UBE4B: variants seen among roughly 807,000 people sequenced by gnomAD.
The protein encoded by UBE4B is ubiquitin conjugation factor E4 B.
Under a neutral mutation model 148.1 loss-of-function variants are expected in UBE4B, and 27 were observed. The ratio of observed to expected loss-of-function variants is 0.18; its 90% confidence interval spans 0.13 to 0.25. The LOEUF (loss-of-function observed/expected upper bound fraction) is 0.25, where lower values mean the gene tolerates loss of function less well. Ranked by LOEUF, UBE4B falls within the 10% of genes least tolerant of loss-of-function variation. The probability of loss-of-function intolerance (pLI) is 1.00; values close to 1 mark genes in which losing one functional copy is unlikely to be tolerated. For synonymous variants in UBE4B, 596 were observed against 619.3 expected, an observed-to-expected ratio of 0.96 and a Z score of 0.56; for missense variants, 1,170 against 1,662.4, an observed-to-expected ratio of 0.70 and a Z score of 5.15.
intron 17 of UBE4B, among the ~76,000 whole-genome samples, chr1:10,139,224 C>A (rs546919239): frequency 6.6e-6 from 1 of 151,722 alleles, no homozygotes; most frequent in Non-Finnish European, 1.5e-5. Flanking sequence ...AGTGAAAACC[C>A]GTCTCTACTA....
chr1:10,150,837 G>A (rs991614032), intron 20 of UBE4B, among the ~76,000 whole-genome samples: 4 of 146,852 alleles, frequency 2.7e-5, no homozygotes, highest in Non-Finnish European at 6.0e-5. Flanking sequence ...TCCAGCCTGG[G>A]CAACACAGCG....
At chr1:10,149,352 T>C (rs960000224) in intron 20 of UBE4B, 70 bp downstream of exon 20, 3 of 1,270,614 alleles carry the variant, frequency 2.4e-6, no homozygotes, top group African/African-American at 3.1e-5. Context: ...TTCTGAGCTA[T>C]GTTGCAAACC....
chr1:10,043,749 T>C (rs1318646072), intron 1 of UBE4B, among the ~76,000 whole-genome samples: 1 of 152,194 alleles, frequency 6.6e-6, no homozygotes, highest in Non-Finnish European at 1.5e-5. Context: ...TATAAATAGA[T>C]GGTGTAATCA....
intron 5 of UBE4B, among the ~76,000 whole-genome samples, chr1:10,103,950 C>A (rs1372625083): frequency 6.6e-6 from 1 of 151,326 alleles, no homozygotes; most frequent in Non-Finnish European, 1.5e-5. Flanking sequence ...TTAGTAGAGA[C>A]AGGATTTCAC....
intron 1 of UBE4B, among the ~76,000 whole-genome samples, chr1:10,071,462 C>A (rs183069717): frequency 6.6e-6 from 1 of 152,044 alleles, no homozygotes; most frequent in African/African-American, 2.4e-5. Context: ...GTGGTTTGCA[C>A]CTGTAGTGTT....
chr1:10,143,158 C>T (rs947327849), intron 17 of UBE4B, among the ~76,000 whole-genome samples: 2 of 152,254 alleles, frequency 1.3e-5, no homozygotes, highest in African/African-American at 2.4e-5. Context: ...AATCCCATCA[C>T]TTTGGGAGGC....
chr1:10,081,354 C>G (rs1443033159), intron 2 of UBE4B, among the ~76,000 whole-genome samples: 1 of 152,016 alleles, frequency 6.6e-6, no homozygotes, highest in Non-Finnish European at 1.5e-5. Flanking sequence ...GCCACCATGC[C>G]TGGCAAAACA....
At position 10,106,693 on chromosome 1, in the gene UBE4B, G is replaced by A; in HGVS notation, c.1196+110G>A. 1.9e-5 allele frequency: 26 copies of A among 1,390,500 alleles called. No homozygotes were observed. The highest frequency in any genetic ancestry group is 2.4e-5 in the Non-Finnish European group (26 of 1,062,828). The allele number at this position is 1,390,500 out of a possible 1,614,324, so 86.1% of individuals were successfully genotyped here. On this transcript the variant is annotated intron_variant, in intron 7 of 27. Coordinates refer to ENST00000343090, the MANE Select transcript of UBE4B (RefSeq NM_001105562.3). This position sits in a 1 kb window ranked among gnomAD's most constrained non-coding sequence, Gnocchi z 4.2. ...ACTGACTCTGTTAAATTGTTGTTTTGGGTTATTAACCTGTGTGGCTAACTA... is the reference window on the plus strand; with the variant it reads ...ACTGACTCTGTTAAATTGTTGTTTTAGGTTATTAACCTGTGTGGCTAACTA...
intron 25 of UBE4B, among the ~76,000 whole-genome samples, chr1:10,176,849 G>A (rs1434111568): frequency 2.7e-5 from 4 of 146,822 alleles, no homozygotes; most frequent in African/African-American, 5.1e-5. Flanking sequence ...GCAGTGGTGC[G>A]ATCTCAGCCT....
At chr1:10,149,849 G>C (rs1327603984) in intron 20 of UBE4B, among the ~76,000 whole-genome samples, 1 of 152,146 alleles carries the variant, frequency 6.6e-6, no homozygotes, top group African/African-American at 2.4e-5. Flanking sequence ...GGTATGTGAA[G>C]TCTATTGTGA....
At chr1:10,172,235 T>G (rs1646349910) in intron 25 of UBE4B, among the ~76,000 whole-genome samples, 1 of 152,232 alleles carries the variant, frequency 6.6e-6, no homozygotes, top group Non-Finnish European at 1.5e-5. Flanking sequence ...CTTCTAGTCA[T>G]CCCATAAAGG....
Position 10,167,441 on chromosome 1 carries a change from A to AAATAATAATAATAAT in UBE4B, c.3199-676_3199-662dup, listed in dbSNP as rs200457569. Among the ~76,000 whole-genome samples the AAATAATAATAATAAT allele has an allele frequency of 9.8e-3, 1,439 of 147,156 alleles. 22 individuals are homozygous for AAATAATAATAATAAT. Among genetic ancestry groups the AAATAATAATAATAAT allele is most frequent in the African/African-American group, 0.025 (969 of 39,512 alleles). ...GCAACAAGCGAAACTCCGTCTCAAA[A>AAATAATAATAATAAT]AATAATAATAATAATAATAATAATA... On this transcript the variant is annotated intron_variant, in intron 23 of 27. Coordinates refer to ENST00000343090, the MANE Select transcript of UBE4B (RefSeq NM_001105562.3).
intron 1 of UBE4B, among the ~76,000 whole-genome samples, chr1:10,035,490 G>A (rs1256422988): frequency 1.5e-4 from 20 of 133,270 alleles, no homozygotes; most frequent in Admixed American, 1.7e-4. Context: ...TCTGCCTCCC[G>A]GGTTCACGCC....
At chr1:10,174,604 A>G (rs1234104688) in intron 25 of UBE4B, among the ~76,000 whole-genome samples, 8 of 150,338 alleles carry the variant, frequency 5.3e-5, no homozygotes, top group Non-Finnish European at 1.2e-4. Flanking sequence ...CGGGAGGCTG[A>G]GGCAGGAGAA....
At chr1:10,175,587 C>G (rs112687680) in intron 25 of UBE4B, among the ~76,000 whole-genome samples, 90 of 151,938 alleles carry the variant, frequency 5.9e-4, no homozygotes, top group Middle Eastern at 3.4e-3. Context: ...GGAGGTGGAG[C>G]TTGCAGTGAG....
At chr1:10,094,756 GC>G (rs1644904991) in intron 2 of UBE4B, among the ~76,000 whole-genome samples, 1 of 151,482 alleles carries the variant, frequency 6.6e-6, no homozygotes. Context: ...TATTATACTC[GC>G]TTTATCACAT....
chr1:10,114,920 C>G (rs1052545278), intron 7 of UBE4B, among the ~76,000 whole-genome samples: 1 of 152,116 alleles, frequency 6.6e-6, no homozygotes, highest in Admixed American at 6.6e-5. Flanking sequence ...CCACACGGAC[C>G]TGCCCAGCCT....
At chr1:10,119,989 G>T (rs1294124862) in intron 9 of UBE4B, among the ~76,000 whole-genome samples, 2 of 142,076 alleles carry the variant, frequency 1.4e-5, no homozygotes, top group African/African-American at 5.2e-5. Context: ...TGTATAACAC[G>T]GTCAATTTCT....
At chr1:10,075,219 T>G (rs554433677) in intron 2 of UBE4B, among the ~76,000 whole-genome samples, 1 of 152,296 alleles carries the variant, frequency 6.6e-6, no homozygotes, top group African/African-American at 2.4e-5. Flanking sequence ...TGTGTTCCAG[T>G]AAAACTTCAC....
Sources: gnomAD v4.1 joint callset for allele counts (sites outside exome capture counted in the v4.1 genomes callset) on GRCh38, gnomAD v4.1.1 for gene constraint, Gnocchi (gnomAD v3.1) non-coding constraint, MANE v1.5 for transcripts, NCBI Gene and HGNC (gene_info 2026-07-23, HGNC 2026-07-21) for gene names.